SHISAL2A: variants seen among roughly 807,000 people sequenced by gnomAD.
SHISAL2A encodes the protein protein shisa-like-2A.
Under a neutral mutation model 11.5 loss-of-function variants are expected in SHISAL2A, and 18 were observed. That is an observed-to-expected ratio of 1.57 (90% CI 1.08 to 2.33). The LOEUF is 2.33. SHISAL2A is among the 30% of genes most tolerant of loss of function. SHISAL2A has a pLI of 0.00. For missense variants in SHISAL2A, 261 were observed against 250.9 expected, an observed-to-expected ratio of 1.04 and a Z score of -0.27; for synonymous variants, 94 against 99.6, an observed-to-expected ratio of 0.94 and a Z score of 0.34.
In SHISAL2A at chr1:52,633,836, C is replaced by T. The variant is rs567668356; in HGVS notation, c.182+161C>T. On this transcript the variant is annotated intron_variant, in intron 1 of 2. Transcript: ENST00000517870. The surrounding 1 kb of genome is among the most constrained non-coding windows in gnomAD (Gnocchi z 6.4). ...CATCAACCACCCCGTGAAACCCCAT[C>T]TCAGCTCGATTTCCTCATCCTGACC... Among the ~76,000 whole-genome samples, 6 of 152,074 alleles carry T rather than the reference C, an allele frequency of 3.9e-5. No homozygotes were observed. The highest frequency in any genetic ancestry group is 8.8e-5 in the Non-Finnish European group (6 of 68,008).
chr1:52,652,781 C>T (rs765917790), intron 2 of SHISAL2A, among the ~76,000 whole-genome samples: 4 of 151,416 alleles, frequency 2.6e-5, no homozygotes, highest in East Asian at 1.9e-4. Flanking sequence ...CTGGCTAACA[C>T]GGTGAAACCC....
chr1:52,641,857 C>A (rs541522289), intron 1 of SHISAL2A, among the ~76,000 whole-genome samples: 5 of 152,090 alleles, frequency 3.3e-5, no homozygotes, highest in African/African-American at 1.2e-4. Context: ...AATCTCAGCA[C>A]TTTGGGAGGC....
intron 4 of SHISAL2A, among the ~76,000 whole-genome samples, chr1:52,664,586 G>A (rs549644532): frequency 2.6e-5 from 4 of 152,018 alleles, no homozygotes; most frequent in Admixed American, 6.6e-5. Flanking sequence ...TCAAACTCCC[G>A]ACCTCAGGTG....
At chr1:52,658,132 C>T (rs1445499155), downstream of SHISAL2A, among the ~76,000 whole-genome samples, 13 of 152,012 alleles carry the variant, frequency 8.6e-5, no homozygotes, top group Admixed American at 7.2e-4. Flanking sequence ...CTCCGCCTTC[C>T]GGGTTCAAGT....
At chr1:52,650,931 C>T (rs1419714720) in intron 2 of SHISAL2A, among the ~76,000 whole-genome samples, 1 of 151,358 alleles carries the variant, frequency 6.6e-6, no homozygotes, top group African/African-American at 2.4e-5. Flanking sequence ...AGGCATGAGC[C>T]ACCACGCCTG....
downstream of SHISAL2A, chr1:52,659,569 CAA>C (rs1691865670): frequency 6.6e-6 from 1 of 152,664 alleles, no homozygotes; most frequent in Admixed American, 6.5e-5. Flanking sequence ...AAAGATGACT[CAA>C]AGTTTCCAGG....
intron 1 of SHISAL2A, among the ~76,000 whole-genome samples, chr1:52,641,426 G>A (rs563547156): frequency 1.6e-4 from 24 of 152,304 alleles, no homozygotes; most frequent in African/African-American, 5.8e-4. Context: ...ATTGCTTGAC[G>A]TGTGGGGAAA....
At chr1:52,645,423 T>TTTTGTTTTGTTTTGTTTTGTTTTG (rs1433015876) in intron 2 of SHISAL2A, among the ~76,000 whole-genome samples, 2 of 152,116 alleles carry the variant, frequency 1.3e-5, no homozygotes, top group East Asian at 3.9e-4. Flanking sequence ...TTTTGTTTTG[T>TTTTGTTTTGTTTTGTTTTGTTTTG]TTGAGACAAG....
At position 52,642,894 on chromosome 1, in the gene SHISAL2A, G is replaced by A. The variant is rs776722051; in HGVS notation, c.214G>A (p.Ala72Thr). The A allele has an allele frequency of 1.9e-6, 3 of 1,613,744 alleles. No homozygotes were observed. The highest frequency in any genetic ancestry group is 1.1e-5 in the South Asian group (1 of 91,060). ...CGCTCTCATAGGCCTGTCCGTAGCA[G>A]CAGTGGTTCTTCTCGCCTTCATTGT... The part of the protein sequence containing the change: ...IGALIGLSVA[A>T]VVLLAFIVTA... Residue 72 changes from alanine (A) to threonine (T), a missense_variant, in exon 2 of 3, where the codon GCA becomes ACA. By Grantham distance (58) the Ala-to-Thr change is moderately conservative. Transcript: ENST00000517870.
chr1:52,652,823 G>A (rs995073450), intron 2 of SHISAL2A, among the ~76,000 whole-genome samples: 12 of 151,146 alleles, frequency 7.9e-5, no homozygotes, highest in African/African-American at 2.4e-4. Flanking sequence ...AAAATTAGCC[G>A]GGCTTGGTGG....
At chr1:52,657,135 A>G, downstream of SHISAL2A, 1 of 1,455,834 alleles carries the variant, frequency 6.9e-7, no homozygotes, top group Admixed American at 2.3e-5. Flanking sequence ...ATGATAAATG[A>G]GGGCTTCTCC....
At position 52,633,228 on chromosome 1, in the gene SHISAL2A, C is replaced by T; in HGVS notation, c.-266C>T. ...CCCGCGTCCGCTCCGGCTCCTGCCG[C>T]GTTCCAGCAGCCGTCACTCCCGCCG... is the stretch of plus-strand genomic sequence containing the variant. On this transcript the variant is annotated 5_prime_UTR_variant, in exon 1 of 3. Transcript: ENST00000517870. This position sits in a 1 kb window ranked among gnomAD's most constrained non-coding sequence, Gnocchi z 6.4. The T allele has an allele frequency of 3.4e-6, 1 of 296,694 alleles. No individual in the cohort carries two copies. The highest frequency in any genetic ancestry group is 6.2e-6 in the Non-Finnish European group (1 of 162,342). 18.4% of individuals were successfully genotyped at this position (296,694 alleles called of 1,614,324 possible).
At chr1:52,657,846 C>CA (rs1213207174), downstream of SHISAL2A, among the ~76,000 whole-genome samples, 1 of 151,738 alleles carries the variant, frequency 6.6e-6, no homozygotes, top group Non-Finnish European at 1.5e-5. Flanking sequence ...GACCTCATCA[C>CA]AAAAAAAGAA....
At chr1:52,643,100 G>A in intron 2 of SHISAL2A, 98 bp downstream of exon 2, 1 of 1,251,434 alleles carries the variant, frequency 8.0e-7, no homozygotes, top group Non-Finnish European at 1.1e-6. Flanking sequence ...TTTGCCTCAT[G>A]ACTATTCCTG....
chr1:52,657,277 G>A (rs984239009), downstream of SHISAL2A, among the ~76,000 whole-genome samples: 2 of 152,170 alleles, frequency 1.3e-5, no homozygotes, highest in African/African-American at 4.8e-5. Context: ...GTGGAAGCCT[G>A]GGGCCTGTGA....
In SHISAL2A at chr1:52,633,656, A is replaced by G. The variant is rs374566639; in HGVS notation, c.163A>G (p.Ser55Gly). 25 of 1,612,308 alleles carry G rather than the reference A, an allele frequency of 1.6e-5. No homozygotes were observed. Among genetic ancestry groups the G allele is most frequent in the Non-Finnish European group, 2.0e-5 (23 of 1,179,244 alleles). Residue 55 changes from serine to glycine, a missense_variant, in exon 1 of 3, where the codon AGC (serine) becomes GGC (glycine). Coordinates refer to ENST00000517870, the MANE Select transcript of SHISAL2A (RefSeq NM_001042693.3). The surrounding 1 kb of genome is among the most constrained non-coding windows in gnomAD (Gnocchi z 6.4). ...GCACAGCTTCTTCCCCTACGAGCAC[A>G]GCTACATGTGGTGGCTCAGGTACCG... ...DPHSFFPYEH[S>G]YMWWLSIGAL...
chr1:52,634,570 C>T lies in SHISAL2A; in HGVS notation c.182+895C>T, dbSNP rs1231575730. 2.0e-5 allele frequency among the ~76,000 whole-genome samples: 3 copies of T among 152,336 alleles called. No homozygotes were observed. In the East Asian group the frequency reaches 5.8e-4, roughly 29 times the overall value. On this transcript the variant is annotated intron_variant, in intron 1 of 2. Coordinates refer to ENST00000517870, the MANE Select transcript of SHISAL2A (RefSeq NM_001042693.3). ...ATTTGTTCAGGGAAGAGGTTGCATT[C>T]CTGGAGCCTAAGTGTTGGCTTGAGA...
chr1:52,644,588 G>A (rs1691451530), intron 2 of SHISAL2A, among the ~76,000 whole-genome samples: 2 of 152,196 alleles, frequency 1.3e-5, no homozygotes, highest in Non-Finnish European at 2.9e-5. Flanking sequence ...GCTGGGTGTG[G>A]TGGCAGGCAC....
chr1:52,646,228 T>G (rs1280756408), intron 2 of SHISAL2A, among the ~76,000 whole-genome samples: 2 of 152,100 alleles, frequency 1.3e-5, no homozygotes, highest in Non-Finnish European at 2.9e-5. Flanking sequence ...CAACAAAGAA[T>G]TATCTGGCCC....
Sources: allele counts gnomAD v4.1 joint callset (sites outside exome capture counted in the v4.1 genomes callset), GRCh38; gene constraint gnomAD v4.1.1; non-coding constraint Gnocchi (gnomAD v3.1); transcripts MANE v1.5; gene names NCBI Gene and HGNC (gene_info 2026-07-23, HGNC 2026-07-21).